The following DEUP1 variants were observed in gnomAD, a reference collection of about 807,000 sequenced individuals.
DEUP1 encodes the protein coiled-coil domain containing 67.
A neutral mutation model predicts 87.4 loss-of-function variants in DEUP1; 82 were observed. The ratio of observed to expected loss-of-function variants is 0.94; its 90% CI spans 0.78 to 1.13. The LOEUF is 1.13. DEUP1 is among the 50% of genes most tolerant of loss of function. The pLI is 0.00. For missense variants in DEUP1, 663 were observed against 681.5 expected (o/e 0.97, Z 0.30); for synonymous variants, 214 against 222.7 (o/e 0.96, Z 0.35).
At chr11:93,390,601 C>T (rs1039705486) in intron 9 of DEUP1, among the ~76,000 whole-genome samples, 1 of 152,132 alleles carries the variant, frequency 6.6e-6, no homozygotes, top group Non-Finnish European at 1.5e-5. Flanking sequence ...AGTATAGTTA[C>T]ATGATTCTTA....
intron 13 of DEUP1, among the ~76,000 whole-genome samples, chr11:93,427,725 A>G (rs938971258): frequency 2.0e-5 from 3 of 150,974 alleles, no homozygotes; most frequent in African/African-American, 7.3e-5. Context: ...CAACCTACTC[A>G]TCTGACAAAG....
At chr11:93,371,817 T>G (rs1243665693) in intron 7 of DEUP1, among the ~76,000 whole-genome samples, 1 of 152,268 alleles carries the variant, frequency 6.6e-6, no homozygotes, top group African/African-American at 2.4e-5. Context: ...TTAATTTTTT[T>G]TCTTAACTGA....
intron 4 of DEUP1, among the ~76,000 whole-genome samples, chr11:93,361,813 C>A (rs1029479260): frequency 6.6e-6 from 1 of 151,892 alleles, no homozygotes; most frequent in Non-Finnish European, 1.5e-5. Flanking sequence ...TCTAAATACA[C>A]CAACTGAAAG....
intron 9 of DEUP1, among the ~76,000 whole-genome samples, chr11:93,393,087 CTT>C (rs1228305437): frequency 8.5e-5 from 8 of 94,550 alleles, no homozygotes; most frequent in African/African-American, 3.6e-4. Flanking sequence ...CTTCCTCCTT[CTT>C]TTTTTTTTTT....
At chr11:93,391,505 T>A (rs947947651) in intron 9 of DEUP1, among the ~76,000 whole-genome samples, 12 of 151,968 alleles carry the variant, frequency 7.9e-5, no homozygotes, top group African/African-American at 2.4e-4. Flanking sequence ...GTCAGGAGTT[T>A]GAGACCATCC....
intron 7 of DEUP1, among the ~76,000 whole-genome samples, chr11:93,381,978 A>G (rs938831786): frequency 1.1e-4 from 16 of 152,158 alleles, no homozygotes; most frequent in Non-Finnish European, 2.2e-4. Context: ...CTCATATTAC[A>G]TGCTAAGTAT....
intron 9 of DEUP1, among the ~76,000 whole-genome samples, chr11:93,391,028 G>C (rs1946748684): frequency 1.3e-5 from 2 of 149,862 alleles, no homozygotes; most frequent in South Asian, 4.3e-4. Flanking sequence ...GTTGCAGTGA[G>C]CCGAGATTGC....
At chr11:93,383,094 T>C (rs1240085380) in intron 7 of DEUP1, among the ~76,000 whole-genome samples, 1 of 152,224 alleles carries the variant, frequency 6.6e-6, no homozygotes, top group Non-Finnish European at 1.5e-5. Context: ...ATTATTCTTC[T>C]AGGCTTTGTG....
intron 8 of DEUP1, among the ~76,000 whole-genome samples, chr11:93,386,635 A>C (rs1946573174): frequency 6.6e-6 from 1 of 152,204 alleles, no homozygotes; most frequent in Non-Finnish European, 1.5e-5. Flanking sequence ...TATGCTTAAT[A>C]ACAAATGGCA....
At chr11:93,380,412 T>G (rs572482129) in intron 7 of DEUP1, among the ~76,000 whole-genome samples, 1 of 152,158 alleles carries the variant, frequency 6.6e-6, no homozygotes, top group African/African-American at 2.4e-5. Context: ...TGTTTTGTTT[T>G]GTTTTTGAGA....
chr11:93,394,138 A>G (rs1457077852), intron 9 of DEUP1, among the ~76,000 whole-genome samples: 4 of 152,062 alleles, frequency 2.6e-5, no homozygotes, highest in African/African-American at 9.7e-5. Flanking sequence ...TTTAAAGCCA[A>G]TTTTTTTCTC....
In DEUP1 at chr11:93,389,038, G is replaced by A. The variant is rs747905334; in HGVS notation, c.954G>A (p.Leu318=). ...GNKTRLESSY[L]PSIKEPERKI... ...TTTGTAGACTTGAATCATCTTATTT[G>A]CCTTCTATTAAAGAACCAGAAAGGA... Residue 318 remains leucine, a synonymous_variant, in exon 9 of 14, where the codon TTG becomes TTA. Transcript: ENST00000298050. 6 of 1,561,732 alleles carry A rather than the reference G, an allele frequency of 3.8e-6. No homozygotes were observed. The East Asian group carries it at 9.0e-5, about 23-fold the overall frequency.
At chr11:93,402,143 C>T (rs1156371990) in intron 11 of DEUP1, among the ~76,000 whole-genome samples, 1 of 151,354 alleles carries the variant, frequency 6.6e-6, no homozygotes, top group Non-Finnish European at 1.5e-5. Context: ...ATATAAGGAG[C>T]TCAAAAAACT....
chr11:93,364,307 A>G lies in DEUP1; in HGVS notation c.432+13A>G, dbSNP rs190970993. The G allele has an allele frequency of 5.0e-6, 8 of 1,602,908 alleles. No individual in the cohort carries two copies. The Admixed American group carries it at 1.3e-4, about 27-fold the overall frequency. On this transcript the variant is annotated intron_variant, in intron 5 of 13. Coordinates refer to ENST00000298050, the MANE Select transcript of DEUP1 (RefSeq NM_181645.4). ...CCAGAAATTAGAGGTGAGATATATT[A>G]TCTTAGTTTCTTCATGTGTATTAAA... is the stretch of plus-strand genomic sequence containing the variant.
At chr11:93,415,780 T>A (rs1947600901) in intron 13 of DEUP1, among the ~76,000 whole-genome samples, 1 of 152,094 alleles carries the variant, frequency 6.6e-6, no homozygotes, top group African/African-American at 2.4e-5. Context: ...GTTTTTTAGA[T>A]TGATCATCAC....
Position 93,389,125 on chromosome 11 carries a change from G to T in DEUP1, c.1041G>T (p.Lys347Asn). ...CAAATCATGAAAAAGAATTGAACAA[G>T]GTATGAAAAATAATGAGCTCCATTC... The part of the protein sequence containing the change: ...DQPNHEKELN[K>N]IRSQLQQVEE... The change falls in exon 9 of 14, where the codon AAG becomes AAT. Residue 347 changes from lysine to asparagine, a missense_variant and splice_region_variant. By Grantham distance (94) the Lys-to-Asn change is moderately conservative. Coordinates refer to ENST00000298050, the MANE Select transcript of DEUP1 (RefSeq NM_181645.4). 1 of 1,549,224 alleles carries T rather than the reference G, an allele frequency of 6.5e-7. No homozygotes were observed. The highest frequency in any genetic ancestry group is 2.3e-5 in the East Asian group (1 of 43,726).
At chr11:93,431,047 G>A (rs984190973) in intron 13 of DEUP1, among the ~76,000 whole-genome samples, 1 of 136,968 alleles carries the variant, frequency 7.3e-6, no homozygotes, top group Non-Finnish European at 1.5e-5. Flanking sequence ...AGTGAGCCGA[G>A]ATAGGATCAC....
intron 13 of DEUP1, among the ~76,000 whole-genome samples, chr11:93,427,370 G>A (rs1158745454): frequency 6.6e-6 from 1 of 151,940 alleles, no homozygotes; most frequent in African/African-American, 2.4e-5. Context: ...AATAAGCAAT[G>A]GGGAAAGGAT....
At chr11:93,349,278 A>C (rs529738808) in intron 2 of DEUP1, among the ~76,000 whole-genome samples, 1 of 152,348 alleles carries the variant, frequency 6.6e-6, no homozygotes, top group Non-Finnish European at 1.5e-5. Context: ...GGATAAATAC[A>C]CAGCTCTACC....
Sources: gnomAD v4.1 joint callset for allele counts (sites outside exome capture counted in the v4.1 genomes callset) on GRCh38, gnomAD v4.1.1 for gene constraint, MANE v1.5 for transcripts, NCBI Gene and HGNC (gene_info 2026-07-23, HGNC 2026-07-21) for gene names.